The following PDGFD variants were observed in gnomAD, a reference collection of about 807,000 sequenced individuals.
PDGFD encodes the protein platelet-derived growth factor D.
Under a neutral mutation model 44.7 loss-of-function variants are expected in PDGFD, and 30 were observed. The observed-to-expected ratio is 0.67, with a 90% confidence interval of 0.50 to 0.91. The LOEUF (loss-of-function observed/expected upper bound fraction) is 0.91. PDGFD is among the 40% of genes least tolerant of loss of function. PDGFD has a pLI of 0.00. For synonymous variants in PDGFD, 173 were observed against 168.4 expected (o/e 1.03, Z -0.21); for missense variants, 445 against 457.8 (o/e 0.97, Z 0.25).
chr11:104,052,895 A>G (rs1325191305), intron 1 of PDGFD, among the ~76,000 whole-genome samples: 5 of 126,586 alleles, frequency 3.9e-5, no homozygotes, highest in African/African-American at 1.7e-4. Context: ...ATTATCAGAA[A>G]GACTCTGTAG....
chr11:103,996,311 T>A, intron 2 of PDGFD, 66 bp from the exon 3 acceptor site: 1 of 1,350,804 alleles, frequency 7.4e-7, no homozygotes, highest in African/African-American at 1.5e-5. Flanking sequence ...ATACTTTCAC[T>A]GAGAAATTAA....
chr11:103,909,672 A>G lies in PDGFD; in HGVS notation c.*22T>C. ...TAAACTAAAGGTTCTTTCAGGCTTA[A>G]TGTAAGGATGTGCACATTCTCTTAT... On this transcript the variant is annotated 3_prime_UTR_variant, in exon 7 of 7. Coordinates refer to ENST00000393158, the MANE Select transcript of PDGFD (RefSeq NM_025208.5). The G allele has an allele frequency of 1.2e-6, 2 of 1,613,804 alleles. No individual in the cohort carries two copies. Among genetic ancestry groups the G allele is most frequent in the Non-Finnish European group, 1.7e-6 (2 of 1,179,722 alleles).
rs1231077072 is a variant in PDGFD at position 103,908,411 on chromosome 11, T to G, written c.*1283A>C. ...TGTGTTACCACAATTGACAACTGGCTTCTTAAAGCAAGCTCCATAGATTAA... is the reference window on the plus strand; with the variant it reads ...TGTGTTACCACAATTGACAACTGGCGTCTTAAAGCAAGCTCCATAGATTAA... On this transcript the variant is annotated 3_prime_UTR_variant, in exon 7 of 7. Coordinates refer to ENST00000393158, the MANE Select transcript of PDGFD (RefSeq NM_025208.5). The G allele has an allele frequency of 6.6e-6, 1 of 152,236 alleles. No individual in the cohort carries two copies. Among genetic ancestry groups the G allele is most frequent in the Non-Finnish European group, 1.5e-5 (1 of 68,034 alleles). The allele number at this position is 152,236 out of a possible 1,614,324, so 9.4% of individuals were successfully genotyped here. A position where few individuals can be genotyped will look rare whatever the true frequency, so the allele number is the denominator to read the frequency against.
rs1443310498 is a variant in PDGFD, at chr11:104,045,811, C to A, written c.125-45556G>T. Among the ~76,000 whole-genome samples the A allele has an allele frequency of 2.0e-5, 3 of 146,512 alleles. 1 individual carries two copies. Among genetic ancestry groups the A allele is most frequent in the Non-Finnish European group, 4.6e-5 (3 of 65,804 alleles). On this transcript the variant is annotated intron_variant, in intron 1 of 6. Transcript: ENST00000393158. ...ATGAACAGAATGTAAGGTAGGACTG[C>A]AAAAAGGGGTGAGGTAAAAGACAAG...
chr11:103,939,665 G>T (rs1175754600), intron 5 of PDGFD, among the ~76,000 whole-genome samples: 1 of 152,022 alleles, frequency 6.6e-6, no homozygotes, highest in Non-Finnish European at 1.5e-5. Context: ...CTTACAGAAA[G>T]AACACCCATA....
At chr11:104,146,049 A>C (rs1862157395) in intron 1 of PDGFD, among the ~76,000 whole-genome samples, 1 of 152,206 alleles carries the variant, frequency 6.6e-6, no homozygotes, top group African/African-American at 2.4e-5. Context: ...CTGTTATTTA[A>C]GACATTCAGT....
At chr11:103,960,828 G>A (rs1356209213) in intron 3 of PDGFD, among the ~76,000 whole-genome samples, 2 of 151,178 alleles carry the variant, frequency 1.3e-5, no homozygotes, top group East Asian at 1.9e-4. Flanking sequence ...GCAAATGGAT[G>A]TCTTCTTGCT....
chr11:104,068,809 C>CTCTT (rs34704243), intron 1 of PDGFD, among the ~76,000 whole-genome samples: 71,145 of 151,560 alleles, frequency 0.47, 18,443 homozygotes, highest in African/African-American at 0.7. Context: ...ATTCTTCTCT[C>CTCTT]TCCCTTTCTC....
Position 103,907,361 on chromosome 11 carries a change from T to C in PDGFD, c.*2333A>G, listed in dbSNP as rs943667371. ...AGAACATATTCAATAAAAGGCATTA[T>C]TCCAGGTGAATGAGCCATGCGGAAA... is the stretch of plus-strand genomic sequence containing the variant. On this transcript the variant is annotated 3_prime_UTR_variant, in exon 7 of 7. Transcript: ENST00000393158. 2.0e-5 allele frequency: 3 copies of C among 152,330 alleles called. No homozygotes were observed. Among genetic ancestry groups the C allele is most frequent in the African/African-American group, 7.2e-5 (3 of 41,572 alleles). 9.4% of individuals were successfully genotyped at this position (152,330 alleles called of 1,614,324 possible).
At chr11:104,015,687 A>G (rs1366200760) in intron 1 of PDGFD, among the ~76,000 whole-genome samples, 1 of 152,232 alleles carries the variant, frequency 6.6e-6, no homozygotes, top group Non-Finnish European at 1.5e-5. Flanking sequence ...TGAAAACTGA[A>G]TAAATTAAAA....
chr11:104,032,524 G>T (rs1860144978), intron 1 of PDGFD, among the ~76,000 whole-genome samples: 1 of 152,002 alleles, frequency 6.6e-6, no homozygotes, highest in South Asian at 2.1e-4. Context: ...GTTACATAGT[G>T]ACATTTATGT....
chr11:104,017,344 T>C (rs1859873454), intron 1 of PDGFD, among the ~76,000 whole-genome samples: 1 of 149,716 alleles, frequency 6.7e-6, no homozygotes, highest in Admixed American at 6.6e-5. Context: ...TTGGGTGTTT[T>C]TCCGTTTTTT....
At chr11:103,964,222 T>C (rs571201077) in intron 3 of PDGFD, among the ~76,000 whole-genome samples, 19 of 152,268 alleles carry the variant, frequency 1.2e-4, no homozygotes, top group African/African-American at 3.8e-4. Context: ...GTTATAATAA[T>C]AGCTTGTCCC....
At chr11:104,017,027 G>A (rs1859867857) in intron 1 of PDGFD, among the ~76,000 whole-genome samples, 1 of 152,162 alleles carries the variant, frequency 6.6e-6, no homozygotes, top group Non-Finnish European at 1.5e-5. Context: ...AGGAGGTGAG[G>A]CCTTTTGGGA....
intron 6 of PDGFD, among the ~76,000 whole-genome samples, chr11:103,926,074 A>G (rs1456211601): frequency 6.6e-6 from 1 of 150,592 alleles, no homozygotes; most frequent in Non-Finnish European, 1.5e-5. Context: ...AGTGATAAGA[A>G]AAACCATAGA....
chr11:103,926,408 G>A (rs1351226655), intron 6 of PDGFD, among the ~76,000 whole-genome samples: 1 of 152,128 alleles, frequency 6.6e-6, no homozygotes, highest in Non-Finnish European at 1.5e-5. Flanking sequence ...CTTAATAATA[G>A]TTAAAATAAA....
At chr11:103,964,714 G>A (rs1858988172) in intron 3 of PDGFD, among the ~76,000 whole-genome samples, 1 of 152,080 alleles carries the variant, frequency 6.6e-6, no homozygotes, top group East Asian at 1.9e-4. Context: ...GCTGTCCTCT[G>A]TGAGGTGCAC....
At position 104,119,835 on chromosome 11, in the gene PDGFD, AATT is replaced by A. The variant is rs1180884291; in HGVS notation, c.124+43966_124+43968del. 7.3e-4 allele frequency among the ~76,000 whole-genome samples: 83 copies of A among 114,418 alleles called. 1 individual carries two copies. Among genetic ancestry groups the A allele is most frequent in the African/African-American group, 2.3e-3 (69 of 29,478 alleles). The allele number at this position is 114,418 out of a possible 152,430, so 75.1% of individuals were successfully genotyped here. A position where few individuals can be genotyped will look rare whatever the true frequency, so the allele number is the denominator to read the frequency against. On this transcript the variant is annotated intron_variant, in intron 1 of 6. Coordinates refer to ENST00000393158, the MANE Select transcript of PDGFD (RefSeq NM_025208.5). ...ATAAATAATTATGTACTATATAATC[AATT>A]ATTATATATTATATAATTATATTAT...
At chr11:104,028,924 C>A (rs1860086384) in intron 1 of PDGFD, among the ~76,000 whole-genome samples, 1 of 151,968 alleles carries the variant, frequency 6.6e-6, no homozygotes. Context: ...TAAATTGGTT[C>A]CCTGATTTTG....
Sources: allele counts gnomAD v4.1 joint callset (sites outside exome capture counted in the v4.1 genomes callset), GRCh38; gene constraint gnomAD v4.1.1; transcripts MANE v1.5; gene names NCBI Gene and HGNC (gene_info 2026-07-23, HGNC 2026-07-21).